The following LRRC8D variants were observed in gnomAD, a reference collection of about 807,000 sequenced individuals.
The protein encoded by LRRC8D is volume-regulated anion channel subunit LRRC8D.
A neutral mutation model predicts 55.8 loss-of-function variants in LRRC8D; 20 were observed. The ratio of observed to expected loss-of-function variants is 0.36; its 90% confidence interval spans 0.25 to 0.52. The LOEUF (loss-of-function observed/expected upper bound fraction) is 0.52, where lower values mean the gene tolerates loss of function less well. LRRC8D is among the 20% of genes least tolerant of loss of function. LRRC8D has a pLI of 0.93. For synonymous variants in LRRC8D, 352 were observed against 377.0 expected, an observed-to-expected ratio of 0.93 and a Z score of 0.77; for missense variants, 651 against 1,030.8, an observed-to-expected ratio of 0.63 and a Z score of 5.05.
chr1:89,917,040 G>A (rs1227357673), intron 2 of LRRC8D, among the ~76,000 whole-genome samples: 3 of 152,156 alleles, frequency 2.0e-5, no homozygotes, highest in African/African-American at 7.2e-5. Context: ...GAAAACTCAA[G>A]CAAGCTAACT....
intron 2 of LRRC8D, among the ~76,000 whole-genome samples, chr1:89,904,356 C>CA (rs1273217964): frequency 6.6e-6 from 1 of 152,200 alleles, no homozygotes; most frequent in African/African-American, 2.4e-5. Flanking sequence ...TGTAGTTTAA[C>CA]AGATGTGAAA....
At chr1:89,906,253 T>G (rs1662988627) in intron 2 of LRRC8D, among the ~76,000 whole-genome samples, 1 of 152,144 alleles carries the variant, frequency 6.6e-6, no homozygotes, top group Non-Finnish European at 1.5e-5. Flanking sequence ...GAACAAGACA[T>G]CTGGTACTGT....
intron 2 of LRRC8D, among the ~76,000 whole-genome samples, chr1:89,884,568 A>G (rs1662367468): frequency 6.6e-6 from 1 of 152,206 alleles, no homozygotes; most frequent in Non-Finnish European, 1.5e-5. Flanking sequence ...ACATTGGGGA[A>G]GCGATAGAGT....
At chr1:89,925,546 A>T (rs1663537515) in intron 2 of LRRC8D, among the ~76,000 whole-genome samples, 1 of 152,186 alleles carries the variant, frequency 6.6e-6, no homozygotes. Context: ...AGCCTTAGCA[A>T]CTAGTTTACC....
intron 2 of LRRC8D, among the ~76,000 whole-genome samples, chr1:89,847,430 T>A (rs1398869754): frequency 6.6e-6 from 1 of 152,202 alleles, no homozygotes; most frequent in East Asian, 1.9e-4. Context: ...ATGATACATG[T>A]ATGGTTCCTT....
At chr1:89,908,735 T>C (rs1228152621) in intron 2 of LRRC8D, among the ~76,000 whole-genome samples, 1 of 152,186 alleles carries the variant, frequency 6.6e-6, no homozygotes, top group African/African-American at 2.4e-5. Flanking sequence ...CCATTGACCA[T>C]GTTGGACCAG....
chr1:89,831,844 A>G (rs148414149), intron 1 of LRRC8D, among the ~76,000 whole-genome samples: 2 of 152,358 alleles, frequency 1.3e-5, no homozygotes, highest in East Asian at 1.9e-4. Context: ...AAATGTTTGC[A>G]TAGGGGAAAG....
intron 2 of LRRC8D, among the ~76,000 whole-genome samples, chr1:89,914,264 A>ACCAAGC (rs1294271875): frequency 1.3e-5 from 2 of 152,218 alleles, no homozygotes; most frequent in African/African-American, 2.4e-5. Flanking sequence ...TGCGGGGCCC[A>ACCAAGC]CCAAGCCCAC....
At chr1:89,862,680 C>A (rs1344295454) in intron 2 of LRRC8D, among the ~76,000 whole-genome samples, 1 of 152,130 alleles carries the variant, frequency 6.6e-6, no homozygotes, top group East Asian at 1.9e-4. Flanking sequence ...CAACTTGTTC[C>A]AGGTTATACA....
intron 1 of LRRC8D, among the ~76,000 whole-genome samples, chr1:89,830,629 C>T (rs1202864216): frequency 6.6e-6 from 1 of 152,114 alleles, no homozygotes. Context: ...GAGTGGGAGG[C>T]CCATCAGAAG....
At chr1:89,897,133 C>T (rs17130921) in intron 2 of LRRC8D, among the ~76,000 whole-genome samples, 4,343 of 152,276 alleles carry the variant, frequency 0.029, 218 homozygotes, top group African/African-American at 0.1. Flanking sequence ...CAGATACACA[C>T]TTTGATGATA....
intron 2 of LRRC8D, among the ~76,000 whole-genome samples, 164 bp downstream of exon 2, chr1:89,843,946 C>T (rs896157384): frequency 4.6e-5 from 7 of 152,240 alleles, no homozygotes; most frequent in African/African-American, 1.7e-4. Context: ...TGGCTGCTGC[C>T]GCCCTGGGTT....
chr1:89,896,592 A>G (rs563952217), intron 2 of LRRC8D, among the ~76,000 whole-genome samples: 39 of 152,296 alleles, frequency 2.6e-4, no homozygotes, highest in African/African-American at 8.7e-4. Flanking sequence ...TGTGAAGATC[A>G]GGGTTTACCA....
At chr1:89,843,219 A>C in intron 1 of LRRC8D, 1 of 155,818 alleles carries the variant, frequency 6.4e-6, no homozygotes, top group East Asian at 1.9e-4. Flanking sequence ...TCCCCGAGGT[A>C]ATTATTTTCT....
Position 89,899,803 on chromosome 1 carries a change from T to G in LRRC8D, c.-2-33264T>G, listed in dbSNP as rs184745454. Among the ~76,000 whole-genome samples, 206 of 152,346 alleles carry G rather than the reference T, an allele frequency of 1.4e-3. 1 individual carries two copies. The highest frequency in any genetic ancestry group is 2.3e-3 in the South Asian group (11 of 4,834). On this transcript the variant is annotated intron_variant, in intron 2 of 2. Coordinates refer to ENST00000337338, the MANE Select transcript of LRRC8D (RefSeq NM_001134479.2). ...GTGTCAGAACTGATGGTCCTGGGGATCCTTTGAAACCTTTCTGAGCTTGTT... is the reference window on the plus strand; with the variant it reads ...GTGTCAGAACTGATGGTCCTGGGGAGCCTTTGAAACCTTTCTGAGCTTGTT...
chr1:89,924,413 ACAC>A (rs1663502213), intron 2 of LRRC8D, among the ~76,000 whole-genome samples: 1 of 152,204 alleles, frequency 6.6e-6, no homozygotes, highest in Non-Finnish European at 1.5e-5. Flanking sequence ...AAGTCAAAAA[ACAC>A]CAGATGCTGG....
In LRRC8D at chr1:89,934,512, G is replaced by T; in HGVS notation, c.1444G>T (p.Val482Leu). 1.2e-6 allele frequency: 2 copies of T among 1,614,164 alleles called. No homozygotes were observed. Among genetic ancestry groups the T allele is most frequent in the South Asian group, 1.1e-5 (1 of 91,076 alleles). Residue 482 changes from valine to leucine, a missense_variant, in exon 3 of 3, where the codon GTG becomes TTG. Physicochemically the swap from Val to Leu is conservative, Grantham distance 32. This residue lies in a region of LRRC8D where 338 missense variants were observed against 479.4 expected (regional missense o/e 0.71). Coordinates refer to ENST00000337338, the MANE Select transcript of LRRC8D (RefSeq NM_001134479.2). This position sits in a 1 kb window ranked among gnomAD's most constrained non-coding sequence, Gnocchi z 5.9. ...QELHLFMLSG[V>L]PDAVFDLTDL... ...GTTGCATCTGTTCATGCTGTCGGGG[G>T]TGCCCGATGCTGTCTTTGACCTCAC...
chr1:89,887,604 T>C (rs1421119716), intron 2 of LRRC8D, among the ~76,000 whole-genome samples: 1 of 152,232 alleles, frequency 6.6e-6, no homozygotes, highest in Admixed American at 6.5e-5. Context: ...CTTTCCCTGA[T>C]GTGTACTCTT....
chr1:89,890,161 CT>C lies in LRRC8D; in HGVS notation c.-2-42905del, dbSNP rs569732147. ...CAAGATCACGCCACTGCTCTCTAGCCTGGGCGACAGAGCAAGACTCTGTCTC... is the reference window on the plus strand; with the variant it reads ...CAAGATCACGCCACTGCTCTCTAGCCGGGCGACAGAGCAAGACTCTGTCTC... On this transcript the variant is annotated intron_variant, in intron 2 of 2. Transcript: ENST00000337338. Among the ~76,000 whole-genome samples, 13 of 152,186 alleles carry C rather than the reference CT, an allele frequency of 8.5e-5. 1 individual carries two copies. In the South Asian group the frequency reaches 2.5e-3, roughly 29 times the overall value.
Sources: allele counts gnomAD v4.1 joint callset (sites outside exome capture counted in the v4.1 genomes callset), GRCh38; gene constraint gnomAD v4.1.1; regional missense constraint gnomAD v4.1.1; non-coding constraint Gnocchi (gnomAD v3.1); transcripts MANE v1.5; gene names NCBI Gene and HGNC (gene_info 2026-07-23, HGNC 2026-07-21).